The following WNK4 variants were observed in gnomAD, a reference collection of about 807,000 sequenced individuals.
The protein encoded by WNK4 is serine/threonine-protein kinase WNK4.
A neutral mutation model predicts 116.2 loss-of-function variants in WNK4; 94 were observed. The observed-to-expected ratio is 0.81, with a 90% CI of 0.68 to 0.96. WNK4 has a LOEUF of 0.96. Ranked by LOEUF, WNK4 falls within the 40% of genes least tolerant of loss-of-function variation. WNK4 has a pLI of 0.00. For missense variants in WNK4, 1,542 were observed against 1,650.6 expected, an observed-to-expected ratio of 0.93 and a Z score of 1.14; for synonymous variants, 655 against 672.7, an observed-to-expected ratio of 0.97 and a Z score of 0.41.
chr17:42,786,659 C>T (rs941571879), intron 6 of WNK4, among the ~76,000 whole-genome samples: 2 of 152,176 alleles, frequency 1.3e-5, no homozygotes, highest in South Asian at 4.1e-4. Flanking sequence ...TCCCAAATTG[C>T]TGGGATTACA....
At chr17:42,794,703 C>T in intron 13 of WNK4, 35 bp downstream of exon 13, 1 of 1,613,848 alleles carries the variant, frequency 6.2e-7, no homozygotes, top group Non-Finnish European at 8.5e-7. Flanking sequence ...TCATCCCAAC[C>T]CCTGGGGTTG....
rs770685193 is a variant in WNK4, at chr17:42,796,187, C to T, written c.3496C>T (p.Arg1166Trp). The T allele has an allele frequency of 7.4e-6, 12 of 1,614,048 alleles. No homozygotes were observed. The highest frequency in any genetic ancestry group is 1.1e-5 in the South Asian group (1 of 91,076). ...QKKEIEDLYS[R>W]LGKQPPPGIV... is the part of the protein sequence containing the mutation. The stretch of plus-strand genomic sequence containing the variant: ...AAAAGAAATTGAAGATTTGTACAGC[C>T]GGCTGGGGAAGCAGCCCCCACCGGG... The change falls in exon 17 of 19, where the codon CGG (arginine) becomes TGG (tryptophan). Residue 1166 changes from arginine (R) to tryptophan (W), a missense_variant. Physicochemically the swap from Arg to Trp is moderately radical, Grantham distance 101. Transcript: ENST00000246914.
intron 6 of WNK4, 22 bp from the exon 7 acceptor site, chr17:42,787,256 T>C (rs780273182): frequency 6.2e-7 from 1 of 1,613,112 alleles, no homozygotes; most frequent in East Asian, 2.2e-5. Context: ...GCTGTGTTCC[T>C]CATCCCCCAC....
At chr17:42,791,609 A>G (rs146700013) in intron 11 of WNK4, among the ~76,000 whole-genome samples, 6 of 151,622 alleles carry the variant, frequency 4.0e-5, no homozygotes, top group Non-Finnish European at 8.8e-5. Flanking sequence ...ATTGCACTCC[A>G]GCCTGGGCAA....
In WNK4 at chr17:42,785,464, G is replaced by T. The variant is rs1372397646; in HGVS notation, c.1458G>T (p.Glu486Asp). 6 of 1,553,016 alleles carry T rather than the reference G, an allele frequency of 3.9e-6. No individual in the cohort carries two copies. The African/African-American group carries it at 8.2e-5, about 21-fold the overall frequency. Residue 486 changes from glutamate (E) to aspartate (D), a missense_variant, in exon 6 of 19, where the codon GAG becomes GAT. Glu to Asp is a conservative substitution (Grantham distance 45). Around this residue, in one of 7 missense-constraint regions of WNK4, gnomAD observed 808 missense variants for 873.6 expected, o/e 0.92. Transcript: ENST00000246914. ...TCCAGCTGGGCCGGGACGCGGCCGAGGAGGTGGCACAGGAGATGGTGAGCG... is the reference window on the plus strand; with the variant it reads ...TCCAGCTGGGCCGGGACGCGGCCGATGAGGTGGCACAGGAGATGGTGAGCG... The part of the protein sequence containing the change: ...FLFQLGRDAA[E>D]EVAQEMVALG...
intron 11 of WNK4, among the ~76,000 whole-genome samples, chr17:42,789,027 C>T (rs900601108): frequency 6.6e-6 from 1 of 152,206 alleles, no homozygotes; most frequent in East Asian, 1.9e-4. Context: ...TCACATTGAC[C>T]GGGTACACAC....
At chr17:42,788,850 C>T in intron 11 of WNK4, 53 bp downstream of exon 11, 3 of 1,455,498 alleles carry the variant, frequency 2.1e-6, no homozygotes, top group Non-Finnish European at 2.9e-6. Context: ...CAAGAGTCTC[C>T]TTCCTGATGT....
rs1171354205 is a variant in WNK4, at chr17:42,795,779, T to G, written c.3177T>G (p.Ser1059Arg). 7 of 1,613,830 alleles carry G rather than the reference T, an allele frequency of 4.3e-6. No homozygotes were observed. The highest frequency in any genetic ancestry group is 5.9e-6 in the Non-Finnish European group (7 of 1,180,016). The change falls in exon 16 of 19, where the codon AGT becomes AGG. Residue 1059 changes from serine (S) to arginine (R), a missense_variant. This residue lies in a region of WNK4 where 292 missense variants were observed against 290.1 expected (regional missense o/e 1.01). Transcript: ENST00000246914. ...LTSESSDTED[S>R]AGGGPETREA... ...CAGAGAGCTCAGATACAGAGGACAG[T>G]GCTGGAGGCGGGCCAGAGACCAGGG...
At chr17:42,796,085 G>T (rs779620911) in intron 16 of WNK4, 38 bp from the exon 17 acceptor site, 1 of 1,614,094 alleles carries the variant, frequency 6.2e-7, no homozygotes, top group Non-Finnish European at 8.5e-7. Flanking sequence ...AGAGCAAGGT[G>T]TGTGGCTAGC....
rs1489132142 is a variant in WNK4 at position 42,780,761 on chromosome 17, C to T, written c.63C>T (p.Ala21=). 1.9e-6 allele frequency: 3 copies of T among 1,607,492 alleles called. No individual in the cohort carries two copies. The African/African-American group carries it at 4.0e-5, about 21-fold the overall frequency. Residue 21 remains alanine, a synonymous_variant, in exon 1 of 19, where the codon GCC becomes GCT. Transcript: ENST00000246914. ...TGTCCCAGACTGAGGCCGACCTGGC[C>T]CTGCGGCCCCCGCCTCCTCTTGGCA... ...VLMSQTEADL[A]LRPPPPLGTA...
In WNK4 at chr17:42,782,655, T is replaced by G; in HGVS notation, c.619-103T>G. ...AATCCCATTAACCCCACCCCATCTG[T>G]GGGCTCCAACCCTCACCTCTTCCCC... On this transcript the variant is annotated intron_variant, in intron 1 of 18. Transcript: ENST00000246914. The surrounding 1 kb of genome is among the most constrained non-coding windows in gnomAD (Gnocchi z 4.2). The G allele has an allele frequency of 7.3e-7, 1 of 1,363,242 alleles. No individual in the cohort carries two copies. Among genetic ancestry groups the G allele is most frequent in the East Asian group, 2.5e-5 (1 of 40,764 alleles). 84.4% of individuals were successfully genotyped at this position (1,363,242 alleles called of 1,614,324 possible). A position where few individuals can be genotyped will look rare whatever the true frequency, so the allele number is the denominator to read the frequency against.
Position 42,795,922 on chromosome 17 carries a change from G to C in WNK4, c.3320G>C (p.Ser1107Thr). Residue 1107 changes from serine to threonine, a missense_variant, in exon 16 of 19, where the codon AGC becomes ACC. By Grantham distance (58) the Ser-to-Thr change is moderately conservative. Coordinates refer to ENST00000246914, the MANE Select transcript of WNK4 (RefSeq NM_032387.5). The stretch of plus-strand genomic sequence containing the variant: ...AGCCCCCAACCCCTGAGCCATCCCA[G>C]CCCAGTGTGGATGAACTACTCCTAC... ...GGSPQPLSHP[S>T]PVWMNYSYSS... 6.2e-7 allele frequency: 1 copy of C among 1,612,450 alleles called. No individual in the cohort carries two copies. Among genetic ancestry groups the C allele is most frequent in the Admixed American group, 1.7e-5 (1 of 60,008 alleles).
chr17:42,785,231 G>A, intron 5 of WNK4, 35 bp from the exon 6 acceptor site: 1 of 1,607,794 alleles, frequency 6.2e-7, no homozygotes, highest in Non-Finnish European at 8.5e-7. Flanking sequence ...GCCGCGGGCC[G>A]CGGCGGGCTC....
In WNK4 at chr17:42,794,964, C is replaced by T. The variant is rs751752414; in HGVS notation, c.2543C>T (p.Ser848Phe). 8.9e-6 allele frequency: 14 copies of T among 1,578,556 alleles called. No homozygotes were observed. The Admixed American group carries it at 1.0e-4, about 12-fold the overall frequency. ...CCCTCCCCATTCTCCCCCATTTCTT[C>T]CCAGGTCTCCTCAAATCCCTCTCCA... Reference protein sequence around the residue: ...PSPSPFSPISSQVSSNPSPHP... With the variant: ...PSPSPFSPISFQVSSNPSPHP... Residue 848 changes from serine (S) to phenylalanine (F), a missense_variant, in exon 14 of 19, where the codon TCC becomes TTC. Around this residue, in one of 7 missense-constraint regions of WNK4, gnomAD observed 808 missense variants for 873.6 expected, o/e 0.92. Transcript: ENST00000246914.
intron 6 of WNK4, 125 bp from the exon 7 acceptor site, chr17:42,787,153 A>G (rs1379789362): frequency 1.4e-6 from 2 of 1,380,364 alleles, no homozygotes; most frequent in Admixed American, 3.9e-5. Flanking sequence ...GTTAACAGAC[A>G]TAGTGGGTAA....
rs764025712 is a variant in WNK4, at chr17:42,784,412, G to A, written c.1013-10G>A. The A allele has an allele frequency of 6.2e-7, 1 of 1,612,862 alleles. No individual in the cohort carries two copies. The highest frequency in any genetic ancestry group is 8.5e-7 in the Non-Finnish European group (1 of 1,179,512). ...GCCCAGCAATCTGATCCCTGCTGTG[G>A]ACCCTACAGGGACCCCGGAATTCAT... On this transcript the variant is annotated splice_polypyrimidine_tract_variant and intron_variant, in intron 3 of 18. Coordinates refer to ENST00000246914, the MANE Select transcript of WNK4 (RefSeq NM_032387.5). The surrounding 1 kb of genome is among the most constrained non-coding windows in gnomAD (Gnocchi z 4.4).
intron 16 of WNK4, 38 bp from the exon 17 acceptor site, chr17:42,796,085 G>A (rs779620911): frequency 1.2e-6 from 2 of 1,614,094 alleles, no homozygotes; most frequent in Middle Eastern, 1.6e-4. Context: ...AGAGCAAGGT[G>A]TGTGGCTAGC....
At position 42,782,972 on chromosome 17, in the gene WNK4, A is replaced by G; in HGVS notation, c.791+42A>G. The G allele has an allele frequency of 6.2e-7, 1 of 1,606,188 alleles. No individual in the cohort carries two copies. Among genetic ancestry groups the G allele is most frequent in the South Asian group, 1.1e-5 (1 of 90,000 alleles). On this transcript the variant is annotated intron_variant, in intron 2 of 18. Coordinates refer to ENST00000246914, the MANE Select transcript of WNK4 (RefSeq NM_032387.5). The surrounding 1 kb of genome is among the most constrained non-coding windows in gnomAD (Gnocchi z 4.2). ...AGTGGGTGGGGAGAGGGAGGCTGGGATGTGTGCCCACTGCTTCCTGAACTC... is the reference window on the plus strand; with the variant it reads ...AGTGGGTGGGGAGAGGGAGGCTGGGGTGTGTGCCCACTGCTTCCTGAACTC...
intron 2 of WNK4, 104 bp from the exon 3 acceptor site, chr17:42,783,833 C>A: frequency 9.2e-7 from 1 of 1,091,812 alleles, no homozygotes; most frequent in Non-Finnish European, 1.3e-6. Flanking sequence ...GCAGAAGATG[C>A]GGAGGCGGCA....
Sources: gnomAD v4.1 joint callset for allele counts (sites outside exome capture counted in the v4.1 genomes callset) on GRCh38, gnomAD v4.1.1 for gene constraint, gnomAD v4.1.1 regional missense constraint, Gnocchi (gnomAD v3.1) non-coding constraint, MANE v1.5 for transcripts, NCBI Gene and HGNC (gene_info 2026-07-23, HGNC 2026-07-21) for gene names.